SRC: variants seen among roughly 807,000 people sequenced by gnomAD.
SRC encodes proto-oncogene tyrosine-protein kinase Src.
Under a neutral mutation model 62.9 loss-of-function variants are expected in SRC, and 13 were observed. The ratio of observed to expected loss-of-function variants is 0.21; its 90% CI spans 0.13 to 0.33. SRC has a LOEUF of 0.33. Ranked by LOEUF, SRC falls within the 10% of genes least tolerant of loss-of-function variation. The pLI is 1.00. For missense variants in SRC, 457 were observed against 737.3 expected, an observed-to-expected ratio of 0.62 and a Z score of 4.40; for synonymous variants, 302 against 317.5, an observed-to-expected ratio of 0.95 and a Z score of 0.52.
Position 37,398,204 on chromosome 20 carries a change from AC to A in SRC, c.859+353del, listed in dbSNP as rs1218258372. Among the ~76,000 whole-genome samples, 1 of 152,152 alleles carries A rather than the reference AC, an allele frequency of 6.6e-6. No homozygotes were observed. The highest frequency in any genetic ancestry group is 2.4e-5 in the African/African-American group (1 of 41,436). On this transcript the variant is annotated intron_variant, in intron 9 of 13. Coordinates refer to ENST00000373578, the MANE Select transcript of SRC (RefSeq NM_198291.3). This position sits in a 1 kb window ranked among gnomAD's most constrained non-coding sequence, Gnocchi z 5.2. The stretch of plus-strand genomic sequence containing the variant: ...CCTATGGGAGACTGTGGAGACCCTG[AC>A]CCAGTGCGTGTCCACACACTAGCTG...
At chr20:37,364,501 G>A (rs535385180) in intron 1 of SRC, among the ~76,000 whole-genome samples, 8 of 152,254 alleles carry the variant, frequency 5.3e-5, no homozygotes, top group East Asian at 3.9e-4. Flanking sequence ...TGATGAGGGC[G>A]TGGCAGGAGG....
intron 2 of SRC, among the ~76,000 whole-genome samples, chr20:37,373,213 CATGTACATACGTACACACATGCACAT>C (rs2070206552): frequency 6.8e-6 from 1 of 146,888 alleles, no homozygotes; most frequent in Non-Finnish European, 1.5e-5. Context: ...TATCTACACA[CATGTACATACGTACACACATGCACAT>C]ATGTACACAC....
chr20:37,360,250 G>T (rs1443716611), intron 1 of SRC, among the ~76,000 whole-genome samples: 1 of 117,838 alleles, frequency 8.5e-6, no homozygotes, highest in African/African-American at 4.0e-5. Context: ...GTGAGACAGG[G>T]TCTCACTCTG....
chr20:37,385,089 C>T (rs1449998678), intron 4 of SRC, among the ~76,000 whole-genome samples: 1 of 152,208 alleles, frequency 6.6e-6, no homozygotes, highest in East Asian at 1.9e-4. Context: ...CGCAGATGTA[C>T]CCAGATACAA....
chr20:37,348,615 C>T lies in SRC; in HGVS notation c.-247+2360C>T, dbSNP rs891110008. 8.5e-5 allele frequency among the ~76,000 whole-genome samples: 13 copies of T among 152,058 alleles called. No homozygotes were observed. In the South Asian group the frequency reaches 2.5e-3, roughly 29 times the overall value. On this transcript the variant is annotated intron_variant, in intron 1 of 13. Transcript: ENST00000373578. ...ACTTGGCAAAGAAGGGGAGAGGGAGCTCTTTTTTCCCTTCCCAGGGGCCCT... is the reference window on the plus strand; with the variant it reads ...ACTTGGCAAAGAAGGGGAGAGGGAGTTCTTTTTTCCCTTCCCAGGGGCCCT...
At chr20:37,380,327 G>C (rs946175193) in intron 2 of SRC, among the ~76,000 whole-genome samples, 1 of 152,178 alleles carries the variant, frequency 6.6e-6, no homozygotes, top group African/African-American at 2.4e-5. Context: ...CACCTGCCCA[G>C]TGTGGTGGCC....
intron 1 of SRC, among the ~76,000 whole-genome samples, chr20:37,362,794 C>T (rs913880671): frequency 1.3e-5 from 2 of 152,124 alleles, no homozygotes; most frequent in Non-Finnish European, 2.9e-5. Context: ...GATGCTGTCT[C>T]CTTCTCAGTG....
intron 5 of SRC, among the ~76,000 whole-genome samples, chr20:37,386,743 C>T (rs113278808): frequency 2.0e-5 from 3 of 152,224 alleles, no homozygotes; most frequent in Admixed American, 6.5e-5. Context: ...CATTCTGCCC[C>T]GTCAGCCCAC....
intron 2 of SRC, among the ~76,000 whole-genome samples, chr20:37,381,694 T>C (rs543619069): frequency 1.1e-4 from 17 of 152,176 alleles, no homozygotes; most frequent in African/African-American, 3.9e-4. Flanking sequence ...GGCGGGCTGG[T>C]TGGGCCCCCA....
At chr20:37,379,818 C>T (rs538278116) in intron 2 of SRC, among the ~76,000 whole-genome samples, 1 of 149,352 alleles carries the variant, frequency 6.7e-6, no homozygotes, top group South Asian at 2.1e-4. Context: ...ACCGCTGGAA[C>T]CCGGGAGGCG....
At chr20:37,373,180 A>G (rs1196110222) in intron 2 of SRC, among the ~76,000 whole-genome samples, 1 of 151,616 alleles carries the variant, frequency 6.6e-6, no homozygotes, top group Non-Finnish European at 1.5e-5. Flanking sequence ...GTACACACAT[A>G]CACATGTATA....
chr20:37,364,213 C>T (rs1044848005), intron 1 of SRC, among the ~76,000 whole-genome samples: 1 of 152,006 alleles, frequency 6.6e-6, no homozygotes, highest in Non-Finnish European at 1.5e-5. Context: ...GGGTACGAGA[C>T]GGTGGAACCC....
chr20:37,403,826 C>T lies in SRC; in HGVS notation c.*447C>T, dbSNP rs75251507. The T allele has an allele frequency of 0.014, 3,656 of 257,110 alleles. 124 individuals carry two copies. The highest frequency in any genetic ancestry group is 0.074 in the African/African-American group (3,423 of 46,524). 15.9% of individuals were successfully genotyped at this position (257,110 alleles called of 1,614,324 possible). On this transcript the variant is annotated 3_prime_UTR_variant, in exon 14 of 14. Coordinates refer to ENST00000373578, the MANE Select transcript of SRC (RefSeq NM_198291.3). This position sits in a 1 kb window ranked among gnomAD's most constrained non-coding sequence, Gnocchi z 7.1. ...AAGAGGAGCGATGGGCCCCTGGCCCCGCCTGCCTGCCACCCTGCCCCTTGC... is the reference window on the plus strand; with the variant it reads ...AAGAGGAGCGATGGGCCCCTGGCCCTGCCTGCCTGCCACCCTGCCCCTTGC...
chr20:37,386,356 TC>T, intron 5 of SRC, 182 bp downstream of exon 5: 2 of 728,686 alleles, frequency 2.7e-6, no homozygotes. Context: ...CTGCTGTTGC[TC>T]CCCCAGCCAT....
chr20:37,403,133 A>C lies in SRC; in HGVS notation c.1403-38A>C. The stretch of plus-strand genomic sequence containing the variant: ...CAGCTTCCCCCACCCCACTTTCCTC[A>C]CCGGAGCCGGGCTCCCCATGCCTCG... On this transcript the variant is annotated intron_variant, in intron 13 of 13. Coordinates refer to ENST00000373578, the MANE Select transcript of SRC (RefSeq NM_198291.3). This position sits in a 1 kb window ranked among gnomAD's most constrained non-coding sequence, Gnocchi z 7.1. The C allele has an allele frequency of 6.7e-7, 1 of 1,495,552 alleles. No individual in the cohort carries two copies. The highest frequency in any genetic ancestry group is 8.9e-7 in the Non-Finnish European group (1 of 1,122,096). 92.6% of individuals were successfully genotyped at this position (1,495,552 alleles called of 1,614,324 possible).
intron 1 of SRC, among the ~76,000 whole-genome samples, chr20:37,360,436 CA>C (rs1485407207): frequency 2.0e-5 from 3 of 151,910 alleles, no homozygotes; most frequent in African/African-American, 7.3e-5. Context: ...TCTATGTTAC[CA>C]AGACTGGTCA....
rs2070748397 is a variant in SRC at position 37,402,239 on chromosome 20, C to T, written c.1117-196C>T. The T allele has an allele frequency of 1.6e-6, 1 of 616,158 alleles. No individual in the cohort carries two copies. The highest frequency in any genetic ancestry group is 2.8e-6 in the Non-Finnish European group (1 of 360,294). 38.2% of individuals were successfully genotyped at this position (616,158 alleles called of 1,614,324 possible). A position where few individuals can be genotyped will look rare whatever the true frequency, so the allele number is the denominator to read the frequency against. Reference sequence around the variant, plus strand: ...TTGCCTTCTGCCCTCTGCTCTGTGCCCTGTGCTCCCTACTCCCGCAGAGCA... The same window carrying T: ...TTGCCTTCTGCCCTCTGCTCTGTGCTCTGTGCTCCCTACTCCCGCAGAGCA... On this transcript the variant is annotated intron_variant, in intron 11 of 13. Coordinates refer to ENST00000373578, the MANE Select transcript of SRC (RefSeq NM_198291.3). This position sits in a 1 kb window ranked among gnomAD's most constrained non-coding sequence, Gnocchi z 6.2.
rs1057279206 is a variant in SRC at position 37,396,451 on chromosome 20, C to G, written c.703+140C>G. 9.1e-6 allele frequency: 9 copies of G among 986,190 alleles called. No individual in the cohort carries two copies. The highest frequency in any genetic ancestry group is 2.6e-5 in the Admixed American group (1 of 38,262). 61.1% of individuals were successfully genotyped at this position (986,190 alleles called of 1,614,324 possible). A position where few individuals can be genotyped will look rare whatever the true frequency, so the allele number is the denominator to read the frequency against. ...ACTTCCCCCTCCCCCCTCCCTTCCTCTCTCCTCCCTTTTCCCTCCTTTCCT... is the reference window on the plus strand; with the variant it reads ...ACTTCCCCCTCCCCCCTCCCTTCCTGTCTCCTCCCTTTTCCCTCCTTTCCT... On this transcript the variant is annotated intron_variant, in intron 8 of 13. Transcript: ENST00000373578. The surrounding 1 kb of genome is among the most constrained non-coding windows in gnomAD (Gnocchi z 6.1).
chr20:37,396,467 CTCCTTTCCT>C lies in SRC; in HGVS notation c.703+158_703+166del. 1 of 879,256 alleles carries C rather than the reference CTCCTTTCCT, an allele frequency of 1.1e-6. No homozygotes were observed. Among genetic ancestry groups the C allele is most frequent in the Non-Finnish European group, 1.7e-6 (1 of 587,862 alleles). 54.5% of individuals were successfully genotyped at this position (879,256 alleles called of 1,614,324 possible). On this transcript the variant is annotated intron_variant, in intron 8 of 13. Transcript: ENST00000373578. The surrounding 1 kb of genome is among the most constrained non-coding windows in gnomAD (Gnocchi z 6.1). Reference sequence around the variant, plus strand: ...TCCCTTCCTCTCTCCTCCCTTTTCCCTCCTTTCCTTGTCTCCTTCTTCTTCCTCTTCTTT... The same window carrying C: ...TCCCTTCCTCTCTCCTCCCTTTTCCCTGTCTCCTTCTTCTTCCTCTTCTTT...
Sources: allele counts gnomAD v4.1 joint callset (sites outside exome capture counted in the v4.1 genomes callset), GRCh38; gene constraint gnomAD v4.1.1; non-coding constraint Gnocchi (gnomAD v3.1); transcripts MANE v1.5; gene names NCBI Gene and HGNC (gene_info 2026-07-23, HGNC 2026-07-21).